Variants in POU6F2 observed in about 807,000 individuals in gnomAD.
The protein encoded by POU6F2 is POU class 6 homeobox 2, also known as POU domain, class 6, transcription factor 2.
POU6F2 carries 31 observed loss-of-function variants against 71.3 expected under a neutral mutation model. The observed-to-expected ratio is 0.43, with a 90% CI of 0.33 to 0.59. POU6F2 has a LOEUF of 0.59. Ranked by LOEUF, POU6F2 falls within the 20% of genes least tolerant of loss-of-function variation. The pLI is 0.04. For missense variants in POU6F2, 783 were observed against 856.8 expected, an observed-to-expected ratio of 0.91 and a Z score of 1.07; for synonymous variants, 347 against 355.7, an observed-to-expected ratio of 0.98 and a Z score of 0.27.
intron 2 of POU6F2, among the ~76,000 whole-genome samples, chr7:39,176,659 A>G (rs1173068772): frequency 6.6e-6 from 1 of 152,182 alleles, no homozygotes; most frequent in African/African-American, 2.4e-5. Flanking sequence ...TTTATTCACA[A>G]ATGAGTATAG....
At chr7:39,289,546 A>C (rs1784711586) in intron 4 of POU6F2, among the ~76,000 whole-genome samples, 1 of 152,176 alleles carries the variant, frequency 6.6e-6, no homozygotes, top group African/African-American at 2.4e-5. Context: ...ATTGTGAAAA[A>C]TATTAGCTAT....
In POU6F2 at chr7:39,467,546, A is replaced by G. The variant is rs1218258221; in HGVS notation, c.*2860A>G. 2 of 152,206 alleles carry G rather than the reference A, an allele frequency of 1.3e-5. No individual in the cohort carries two copies. The highest frequency in any genetic ancestry group is 4.8e-5 in the African/African-American group (2 of 41,456). The allele number at this position is 152,206 out of a possible 1,614,324, so 9.4% of individuals were successfully genotyped here. On this transcript the variant is annotated 3_prime_UTR_variant, in exon 10 of 10. Coordinates refer to ENST00000518318, the MANE Select transcript of POU6F2 (RefSeq NM_001370959.1). Reference sequence around the variant, plus strand: ...TCTCACATAATTTTTAATTATTGTTATCTGCATTTTCATTACTTCATGAAA... The same window carrying G: ...TCTCACATAATTTTTAATTATTGTTGTCTGCATTTTCATTACTTCATGAAA...
chr7:39,418,808 G>A (rs2115951378), intron 6 of POU6F2, among the ~76,000 whole-genome samples: 1 of 151,208 alleles, frequency 6.6e-6, no homozygotes, highest in African/African-American at 2.4e-5. Context: ...TTCCTCTGAA[G>A]CAAAGCTGCT....
At chr7:39,277,324 G>C (rs1219916700) in intron 4 of POU6F2, among the ~76,000 whole-genome samples, 1 of 152,066 alleles carries the variant, frequency 6.6e-6, no homozygotes, top group Non-Finnish European at 1.5e-5. Context: ...GTGATGCTGA[G>C]GTTGGGCTTC....
chr7:39,122,538 A>G (rs528835585), intron 2 of POU6F2, among the ~76,000 whole-genome samples: 38 of 152,304 alleles, frequency 2.5e-4, no homozygotes, highest in Non-Finnish European at 1.0e-4. Context: ...TGCATATAAC[A>G]GCAGAGGGGA....
intron 6 of POU6F2, among the ~76,000 whole-genome samples, chr7:39,409,616 C>A (rs1787510126): frequency 6.6e-6 from 1 of 151,772 alleles, no homozygotes; most frequent in Non-Finnish European, 1.5e-5. Context: ...CTCACAGGGC[C>A]CACAGCCTAT....
At chr7:39,382,968 G>T (rs1051770053) in intron 5 of POU6F2, among the ~76,000 whole-genome samples, 1 of 152,140 alleles carries the variant, frequency 6.6e-6, no homozygotes, top group Admixed American at 6.6e-5. Flanking sequence ...GGTGTGGAAA[G>T]GTAATGAATA....
chr7:39,292,786 CCATT>C (rs1784784312), intron 4 of POU6F2, among the ~76,000 whole-genome samples: 1 of 152,094 alleles, frequency 6.6e-6, no homozygotes, highest in African/African-American at 2.4e-5. Context: ...CAATTTTTGA[CCATT>C]CAATCCATCC....
At chr7:39,297,878 A>C (rs1193304675) in intron 4 of POU6F2, among the ~76,000 whole-genome samples, 1 of 152,226 alleles carries the variant, frequency 6.6e-6, no homozygotes, top group East Asian at 1.9e-4. Context: ...GATCTTCGAC[A>C]AACTGACAAA....
At chr7:38,984,887 G>T (rs925777709) in intron 1 of POU6F2, 1 of 152,070 alleles carries the variant, frequency 6.6e-6, no homozygotes, top group African/African-American at 2.4e-5. Flanking sequence ...CTGTTAAATG[G>T]TGTTTTTAGC....
intron 5 of POU6F2, among the ~76,000 whole-genome samples, chr7:39,372,444 C>T (rs913894047): frequency 1.3e-5 from 2 of 152,112 alleles, no homozygotes; most frequent in Admixed American, 6.5e-5. Context: ...TGGAGGCTCT[C>T]AAGTCCAAAA....
intron 6 of POU6F2, among the ~76,000 whole-genome samples, chr7:39,410,938 A>G (rs1329029432): frequency 2.0e-5 from 3 of 152,206 alleles, no homozygotes; most frequent in Non-Finnish European, 4.4e-5. Context: ...CAATTTCTTC[A>G]TCTGAAAAAT....
intron 2 of POU6F2, among the ~76,000 whole-genome samples, chr7:39,090,473 C>T (rs1316203157): frequency 6.6e-6 from 1 of 152,092 alleles, no homozygotes; most frequent in Non-Finnish European, 1.5e-5. Flanking sequence ...CATGCCCATG[C>T]ATCAGTGGAG....
rs2115630155 is a variant in POU6F2, at chr7:39,342,218, A to C, written c.972+2203A>C. On this transcript the variant is annotated intron_variant, in intron 5 of 9. Coordinates refer to ENST00000518318, the MANE Select transcript of POU6F2 (RefSeq NM_001370959.1). ...ACAAATCTGTGTCGGTAGGCATAAA[A>C]GGACTTTTTTCCTTTACTACAGGCA... 3.3e-5 allele frequency among the ~76,000 whole-genome samples: 5 copies of C among 152,134 alleles called. 1 individual carries two copies. In the East Asian group the frequency reaches 9.7e-4, roughly 29 times the overall value.
intron 1 of POU6F2, among the ~76,000 whole-genome samples, chr7:39,058,130 C>T (rs1401984093): frequency 6.6e-6 from 1 of 152,198 alleles, no homozygotes; most frequent in Non-Finnish European, 1.5e-5. Context: ...CATCTAATTC[C>T]TCCCCCCTTG....
chr7:39,361,166 G>A (rs1786381684), intron 5 of POU6F2, among the ~76,000 whole-genome samples: 1 of 152,164 alleles, frequency 6.6e-6, no homozygotes, highest in African/African-American at 2.4e-5. Flanking sequence ...GCTCAGCCTT[G>A]ATTTCTCTTA....
intron 5 of POU6F2, among the ~76,000 whole-genome samples, chr7:39,346,003 C>T (rs2299139): frequency 0.11 from 16,871 of 152,132 alleles, 1,177 homozygotes; most frequent in Non-Finnish European, 0.15. Context: ...TCCCTTTACC[C>T]AACTGTATTA....
intron 6 of POU6F2, among the ~76,000 whole-genome samples, chr7:39,422,915 A>T (rs1200586509): frequency 6.6e-6 from 1 of 152,190 alleles, no homozygotes; most frequent in Non-Finnish European, 1.5e-5. Context: ...AGATCTAGAA[A>T]ACTGCCTGAC....
At chr7:39,109,755 A>G (rs1791765706) in intron 2 of POU6F2, among the ~76,000 whole-genome samples, 1 of 152,220 alleles carries the variant, frequency 6.6e-6, no homozygotes, top group Non-Finnish European at 1.5e-5. Flanking sequence ...ATGAAGTTAT[A>G]TTGGCTTTAA....
Sources: allele counts gnomAD v4.1 joint callset (sites outside exome capture counted in the v4.1 genomes callset), GRCh38; gene constraint gnomAD v4.1.1; transcripts MANE v1.5; gene names NCBI Gene and HGNC (gene_info 2026-07-23, HGNC 2026-07-21).